Variants in GLDC observed in about 807,000 individuals in gnomAD.
GLDC encodes glycine dehydrogenase (decarboxylating), mitochondrial.
A neutral mutation model predicts 121.3 loss-of-function variants in GLDC; 104 were observed. The ratio of observed to expected loss-of-function variants is 0.86; its 90% CI spans 0.73 to 1.01. The LOEUF (loss-of-function observed/expected upper bound fraction) is 1.01. GLDC is among the 50% of genes least tolerant of loss of function. GLDC has a pLI of 0.00. For missense variants in GLDC, 1,429 were observed against 1,306.6 expected (o/e 1.09, Z -1.44); for synonymous variants, 546 against 480.6 (o/e 1.14, Z -1.78).
At chr9:6,587,888 G>A (rs746802722) in intron 14 of GLDC, among the ~76,000 whole-genome samples, 5 of 151,940 alleles carry the variant, frequency 3.3e-5, no homozygotes, top group South Asian at 4.2e-4. Flanking sequence ...CAGAATAAAC[G>A]TAAGAAATGA....
At chr9:6,556,056 C>T (rs1817623010) in intron 18 of GLDC, 97 bp downstream of exon 18, 2 of 1,036,960 alleles carry the variant, frequency 1.9e-6, no homozygotes. Context: ...TCTGAGTTCC[C>T]TCAGGCAGGA....
intron 15 of GLDC, among the ~76,000 whole-genome samples, chr9:6,576,794 T>G (rs1403337289): frequency 6.6e-6 from 1 of 152,212 alleles, no homozygotes; most frequent in African/African-American, 2.4e-5. Context: ...CAGGTGAATT[T>G]TGAAGGAATG....
In GLDC at chr9:6,644,051, C is replaced by CA. The variant is rs1819686105; in HGVS notation, c.334+562_334+563insT. ...TCTCAAAAAAAAAAAAAAAAAAAAA[C>CA]GAAAAAAAAAAGAAAAGAAAAGAAA... is the stretch of plus-strand genomic sequence containing the variant. On this transcript the variant is annotated intron_variant, in intron 2 of 24. Coordinates refer to ENST00000321612, the MANE Select transcript of GLDC (RefSeq NM_000170.3). Among the ~76,000 whole-genome samples the CA allele has an allele frequency of 5.0e-4, 20 of 40,052 alleles. 1 individual carries two copies. The highest frequency in any genetic ancestry group is 3.7e-3 in the East Asian group (4 of 1,076). The allele number at this position is 40,052 out of a possible 152,430, so 26.3% of individuals were successfully genotyped here. A position where few individuals can be genotyped will look rare whatever the true frequency, so the allele number is the denominator to read the frequency against.
intron 2 of GLDC, chr9:6,622,658 C>G (rs1260027806): frequency 4.3e-5 from 9 of 209,812 alleles, no homozygotes; most frequent in South Asian, 3.8e-4. Context: ...TCTGCCCGGC[C>G]GCCACCCCGT....
intron 18 of GLDC, 68 bp from the exon 19 acceptor site, chr9:6,554,849 T>A: frequency 1.7e-6 from 2 of 1,166,286 alleles, no homozygotes; most frequent in Non-Finnish European, 2.5e-6. Context: ...GTGAAGGCCA[T>A]GGCTGGCCGG....
intron 21 of GLDC, among the ~76,000 whole-genome samples, chr9:6,543,760 G>A (rs530187362): frequency 6.6e-6 from 1 of 152,200 alleles, no homozygotes; most frequent in South Asian, 2.1e-4. Flanking sequence ...GGCAATGTTG[G>A]GGCGATATCA....
At chr9:6,537,177 C>T (rs1817145730) in intron 22 of GLDC, among the ~76,000 whole-genome samples, 1 of 152,160 alleles carries the variant, frequency 6.6e-6, no homozygotes, top group South Asian at 2.1e-4. Flanking sequence ...ACTACAGGTG[C>T]ACGCCACCAT....
intron 16 of GLDC, among the ~76,000 whole-genome samples, chr9:6,563,489 T>G (rs554887589): frequency 6.6e-6 from 1 of 152,180 alleles, no homozygotes; most frequent in Admixed American, 6.5e-5. Context: ...AAGATACTAA[T>G]GAAGAGGAAC....
intron 15 of GLDC, among the ~76,000 whole-genome samples, chr9:6,581,556 CAT>C (rs1818171147): frequency 1.3e-5 from 2 of 152,230 alleles, no homozygotes; most frequent in African/African-American, 4.8e-5. Flanking sequence ...GGGTCAATAA[CAT>C]AGCATTTCCA....
intron 3 of GLDC, among the ~76,000 whole-genome samples, chr9:6,613,954 T>C (rs535355957): frequency 6.6e-6 from 1 of 152,140 alleles, no homozygotes; most frequent in Non-Finnish European, 1.5e-5. Flanking sequence ...ATTTTGTATT[T>C]TTAGTTGAGA....
intron 3 of GLDC, among the ~76,000 whole-genome samples, chr9:6,610,999 T>A (rs1278897670): frequency 3.9e-5 from 6 of 152,252 alleles, no homozygotes; most frequent in African/African-American, 1.4e-4. Context: ...TCCAAGAATC[T>A]AACATGTAAT....
intron 3 of GLDC, among the ~76,000 whole-genome samples, chr9:6,615,581 TAA>T (rs35065126): frequency 0.21 from 30,198 of 142,898 alleles, 3,323 homozygotes; most frequent in East Asian, 0.43. Context: ...GACCTTGTCT[TAA>T]AAAAAAAAAA....
At chr9:6,608,715 C>T (rs1818789315) in intron 4 of GLDC, among the ~76,000 whole-genome samples, 1 of 152,066 alleles carries the variant, frequency 6.6e-6, no homozygotes, top group South Asian at 2.1e-4. Flanking sequence ...CACTGTACTC[C>T]AGCCCGGGCG....
chr9:6,625,588 C>T (rs2129968322), intron 2 of GLDC, among the ~76,000 whole-genome samples: 1 of 152,230 alleles, frequency 6.6e-6, no homozygotes, highest in African/African-American at 2.4e-5. Context: ...AGGAATTTGG[C>T]TATTGTGCCA....
At chr9:6,630,599 AG>A (rs1470487455) in intron 2 of GLDC, among the ~76,000 whole-genome samples, 1 of 152,174 alleles carries the variant, frequency 6.6e-6, no homozygotes, top group Non-Finnish European at 1.5e-5. Flanking sequence ...CTAGAGGGTA[AG>A]GGGAAAGCTG....
Position 6,605,133 on chromosome 9 carries a change from C to T in GLDC, c.859G>A (p.Gly287Arg). The change falls in exon 6 of 25, where the codon GGG (glycine) becomes AGG (arginine). Residue 287 changes from glycine (G) to arginine (R), a missense_variant and splice_region_variant. Gly to Arg is a moderately radical substitution (Grantham distance 125, BLOSUM62 -2). Transcript: ENST00000321612. Reference sequence around the variant, plus strand: ...CCCCACAAGAAAGGTATACCTACCCCACTCTGATGAGCTCTCTCCACGAGT... The same window carrying T: ...CCCCACAAGAAAGGTATACCTACCCTACTCTGATGAGCTCTCTCCACGAGT... ...TELVERAHQS[G>R]SLACCATDLL... 1.2e-6 allele frequency: 2 copies of T among 1,612,372 alleles called. No individual in the cohort carries two copies. Among genetic ancestry groups the T allele is most frequent in the Non-Finnish European group, 1.7e-6 (2 of 1,179,902 alleles).
rs778700604 is a variant in GLDC, at chr9:6,595,048, C to G, written c.1227G>C (p.Arg409Ser). The G allele has an allele frequency of 1.2e-6, 2 of 1,611,896 alleles. No homozygotes were observed. Among genetic ancestry groups the G allele is most frequent in the Admixed American group, 3.3e-5 (2 of 60,026 alleles). Residue 409 changes from arginine (R) to serine (S), a missense_variant, in exon 9 of 25, where the codon AGG (arginine) becomes AGC (serine). Physicochemically the swap from Arg to Ser is moderately radical, Grantham distance 110. Transcript: ENST00000321612. ...HGSHGLEHIA[R>S]RVHNATLILS... is the part of the protein sequence containing the mutation. ...AAATCAAAGTGGCATTATGTACCCT[C>G]CTAGCAATATGCTCCAGCCCATGGG...
At chr9:6,595,929 TAAGA>T (rs1302830002) in intron 8 of GLDC, among the ~76,000 whole-genome samples, 2 of 152,000 alleles carry the variant, frequency 1.3e-5, no homozygotes, top group African/African-American at 4.8e-5. Context: ...CAATGCAAAA[TAAGA>T]AACAGTTTCC....
chr9:6,625,313 T>A (rs1394957658), intron 2 of GLDC, among the ~76,000 whole-genome samples: 1 of 152,174 alleles, frequency 6.6e-6, no homozygotes, highest in East Asian at 1.9e-4. Context: ...GGAAGCAATA[T>A]GGCCTTGCAG....
Sources: gnomAD v4.1 joint callset for allele counts (sites outside exome capture counted in the v4.1 genomes callset) on GRCh38, gnomAD v4.1.1 for gene constraint, MANE v1.5 for transcripts, NCBI Gene and HGNC (gene_info 2026-07-23, HGNC 2026-07-21) for gene names.